Variants in NCKAP5 observed in about 807,000 individuals in gnomAD.
NCKAP5 encodes the protein NCK associated protein 5.
In NCKAP5, 92 loss-of-function variants were observed where a neutral mutation model predicts 167.0. The ratio of observed to expected loss-of-function variants is 0.55; its 90% CI spans 0.47 to 0.66. The LOEUF (loss-of-function observed/expected upper bound fraction) is 0.66. Among genes scored for constraint, NCKAP5 ranks in the 30% least tolerant of loss-of-function variants. NCKAP5 has a pLI of 0.00. For missense variants in NCKAP5, 2,378 were observed against 2,315.0 expected (o/e 1.03, Z -0.56); for synonymous variants, 891 against 877.4 (o/e 1.02, Z -0.27).
At chr2:132,741,848 C>A (rs368103998) in intron 16 of NCKAP5, among the ~76,000 whole-genome samples, 94 of 152,172 alleles carry the variant, frequency 6.2e-4, no homozygotes, top group African/African-American at 2.0e-3. Context: ...TATGCTCAAC[C>A]TTTTTCCCCC....
intron 3 of NCKAP5, among the ~76,000 whole-genome samples, chr2:133,468,117 G>A (rs1692741715): frequency 7.5e-6 from 1 of 132,906 alleles, no homozygotes. Flanking sequence ...TGTCAATTTT[G>A]GATCTTTCCT....
At chr2:132,912,420 C>A (rs947083736) in intron 8 of NCKAP5, among the ~76,000 whole-genome samples, 13 of 152,186 alleles carry the variant, frequency 8.5e-5, no homozygotes, top group Non-Finnish European at 1.9e-4. Flanking sequence ...ATCTGCAGAG[C>A]CTTCAACCCT....
rs746360719 is a variant in NCKAP5 at position 132,782,140 on chromosome 2, C to T, written c.4671G>A (p.Lys1557=). The T allele has an allele frequency of 1.3e-5, 21 of 1,610,540 alleles. No homozygotes were observed. Among genetic ancestry groups the T allele is most frequent in the Non-Finnish European group, 1.3e-5 (15 of 1,179,282 alleles). Residue 1557 remains lysine (K), a synonymous_variant, in exon 14 of 20, where the codon AAG becomes AAA. Coordinates refer to ENST00000409261, the MANE Select transcript of NCKAP5 (RefSeq NM_207363.3). ...LKSERKKEKK[K]PELQCETENE... ...TTTCTGTCTCACACTGTAGTTCAGG[C>T]TTCTTTTTCTCTTTTTTTCTTTCTG... is the stretch of plus-strand genomic sequence containing the variant.
At chr2:133,124,426 C>T (rs987464069) in intron 6 of NCKAP5, among the ~76,000 whole-genome samples, 2 of 152,110 alleles carry the variant, frequency 1.3e-5, no homozygotes, top group African/African-American at 4.8e-5. Context: ...GCTAAATCTC[C>T]CAGATCAATT....
chr2:133,506,477 C>G (rs1402836549), intron 3 of NCKAP5, among the ~76,000 whole-genome samples: 1 of 152,134 alleles, frequency 6.6e-6, no homozygotes, highest in African/African-American at 2.4e-5. Context: ...CCTCTGGCTT[C>G]CAATTGGGTT....
At chr2:133,343,827 G>A (rs1683763957) in intron 3 of NCKAP5, among the ~76,000 whole-genome samples, 1 of 152,210 alleles carries the variant, frequency 6.6e-6, no homozygotes, top group South Asian at 2.1e-4. Context: ...AAGCTTGGGA[G>A]TCGGAAGGAT....
the NCKAP5 span, among the ~76,000 whole-genome samples, chr2:133,614,021 C>G: frequency 6.6e-6 from 1 of 152,112 alleles, no homozygotes; most frequent in African/African-American, 2.4e-5. Context: ...AGCCCCTGCT[C>G]GGATGGACAG....
intron 3 of NCKAP5, among the ~76,000 whole-genome samples, chr2:133,420,618 C>T (rs1689412676): frequency 6.6e-6 from 1 of 152,082 alleles, no homozygotes; most frequent in African/African-American, 2.4e-5. Flanking sequence ...AATGTTACTT[C>T]AAAAAGATAA....
At chr2:133,321,090 T>C (rs1461235891) in intron 3 of NCKAP5, among the ~76,000 whole-genome samples, 1 of 152,182 alleles carries the variant, frequency 6.6e-6, no homozygotes, top group Admixed American at 6.5e-5. Flanking sequence ...GTGAGCCTGA[T>C]CACTGACCCA....
intron 3 of NCKAP5, among the ~76,000 whole-genome samples, chr2:133,320,569 A>T (rs1681967964): frequency 6.6e-6 from 1 of 152,142 alleles, no homozygotes; most frequent in Non-Finnish European, 1.5e-5. Context: ...TCTACTAAAA[A>T]TACAGAAAAT....
chr2:133,570,166 A>T (rs927496473), upstream of NCKAP5, among the ~76,000 whole-genome samples: 3 of 152,208 alleles, frequency 2.0e-5, no homozygotes, highest in Non-Finnish European at 4.4e-5. Context: ...TGAACACGAA[A>T]AAGAACTTTG....
chr2:133,599,380 T>C, the NCKAP5 span, among the ~76,000 whole-genome samples: 1 of 152,008 alleles, frequency 6.6e-6, no homozygotes, highest in Non-Finnish European at 1.5e-5. Context: ...ACTCAGAGGC[T>C]CTCCTGCCAG....
At chr2:132,793,759 G>A (rs956830616) in intron 12 of NCKAP5, among the ~76,000 whole-genome samples, 1 of 152,126 alleles carries the variant, frequency 6.6e-6, no homozygotes, top group East Asian at 1.9e-4. Flanking sequence ...TACGTGTAGC[G>A]GTAGTTACAG....
chr2:133,103,677 C>G (rs1321487412), intron 6 of NCKAP5, among the ~76,000 whole-genome samples: 1 of 152,110 alleles, frequency 6.6e-6, no homozygotes, highest in Non-Finnish European at 1.5e-5. Flanking sequence ...ACTTGGGAGG[C>G]TGAGGTAGGG....
At chr2:133,036,799 G>T (rs2149441909) in intron 6 of NCKAP5, among the ~76,000 whole-genome samples, 1 of 152,032 alleles carries the variant, frequency 6.6e-6, no homozygotes, top group South Asian at 2.1e-4. Context: ...ATTCACCATA[G>T]TATTAGAAAT....
At chr2:133,320,998 T>C (rs9808392) in intron 3 of NCKAP5, among the ~76,000 whole-genome samples, 29,909 of 152,108 alleles carry the variant, frequency 0.2, 2,967 homozygotes, top group Non-Finnish European at 0.21. Flanking sequence ...TAGCCATAAC[T>C]TCTAGTGCTG....
intron 3 of NCKAP5, among the ~76,000 whole-genome samples, chr2:133,312,602 A>T (rs1405188584): frequency 1.3e-5 from 2 of 152,210 alleles, no homozygotes; most frequent in Non-Finnish European, 1.5e-5. Context: ...GAAACGGTGA[A>T]GCCTTGGGCT....
At chr2:133,223,354 TG>T (rs1475901989) in intron 4 of NCKAP5, among the ~76,000 whole-genome samples, 1 of 152,108 alleles carries the variant, frequency 6.6e-6, no homozygotes, top group East Asian at 1.9e-4. Context: ...AGAACAGGTT[TG>T]CTCCTCTGAG....
intron 5 of NCKAP5, among the ~76,000 whole-genome samples, chr2:133,201,688 C>T (rs755885406): frequency 6.6e-6 from 1 of 152,078 alleles, no homozygotes; most frequent in Non-Finnish European, 1.5e-5. Flanking sequence ...CATTTCACCA[C>T]ATGTAAGTTT....
Sources: gnomAD v4.1 joint callset for allele counts (sites outside exome capture counted in the v4.1 genomes callset) on GRCh38, gnomAD v4.1.1 for gene constraint, MANE v1.5 for transcripts, NCBI Gene and HGNC (gene_info 2026-07-23, HGNC 2026-07-21) for gene names.